Variants in SLC7A14 observed in about 807,000 individuals in gnomAD.
SLC7A14 encodes solute carrier family 7 member 14.
SLC7A14 carries 37 observed loss-of-function variants against 60.2 expected under a neutral mutation model. The ratio of observed to expected loss-of-function variants is 0.61; its 90% CI spans 0.47 to 0.81. SLC7A14 has a LOEUF of 0.81. Among genes scored for constraint, SLC7A14 ranks in the 30% least tolerant of loss-of-function variants. The pLI, the probability that SLC7A14 is intolerant of heterozygous loss-of-function variation, is 0.00. For synonymous variants in SLC7A14, 399 were observed against 395.8 expected (o/e 1.01, Z -0.10); for missense variants, 886 against 982.7 (o/e 0.90, Z 1.32).
At chr3:170,493,130 C>T (rs925966690) in intron 4 of SLC7A14, among the ~76,000 whole-genome samples, 3 of 152,158 alleles carry the variant, frequency 2.0e-5, no homozygotes, top group African/African-American at 7.2e-5. Flanking sequence ...GAACAAATAA[C>T]ATGAAGGGAA....
At chr3:170,584,793 A>G (rs1553876360) in intron 1 of SLC7A14, among the ~76,000 whole-genome samples, 1 of 151,972 alleles carries the variant, frequency 6.6e-6, no homozygotes, top group Non-Finnish European at 1.5e-5. Context: ...CCCTATACCT[A>G]GGGGGAGGCA....
At chr3:170,522,106 A>C (rs959140581) in intron 2 of SLC7A14, among the ~76,000 whole-genome samples, 2 of 152,208 alleles carry the variant, frequency 1.3e-5, no homozygotes, top group Non-Finnish European at 2.9e-5. Flanking sequence ...CAAACAAACA[A>C]ACAAAAAACA....
chr3:170,527,045 A>C lies in SLC7A14; in HGVS notation c.-109T>G. ...TGAACAGGGATCTCCCTTTTAGGAA[A>C]GGCCCAGAGGGACCCAGTGCAGCCT... On this transcript the variant is annotated 5_prime_UTR_variant, in exon 2 of 8. Transcript: ENST00000231706. 8.3e-7 allele frequency: 1 copy of C among 1,210,988 alleles called. No individual in the cohort carries two copies. The highest frequency in any genetic ancestry group is 1.1e-6 in the Non-Finnish European group (1 of 887,198). The allele number at this position is 1,210,988 out of a possible 1,614,324, so 75.0% of individuals were successfully genotyped here. A position where few individuals can be genotyped will look rare whatever the true frequency, so the allele number is the denominator to read the frequency against.
intron 1 of SLC7A14, among the ~76,000 whole-genome samples, chr3:170,580,445 C>T (rs978568661): frequency 2.6e-5 from 4 of 152,156 alleles, no homozygotes; most frequent in African/African-American, 4.8e-5. Context: ...TAAATCATGA[C>T]GCCCAACAAC....
chr3:170,529,058 A>G (rs1302910188), intron 1 of SLC7A14, among the ~76,000 whole-genome samples: 2 of 152,194 alleles, frequency 1.3e-5, no homozygotes, highest in Non-Finnish European at 2.9e-5. Flanking sequence ...GAGAGGGTTT[A>G]TTTTTGTTTT....
At chr3:170,542,482 A>G (rs1714050205) in intron 1 of SLC7A14, among the ~76,000 whole-genome samples, 1 of 152,126 alleles carries the variant, frequency 6.6e-6, no homozygotes, top group South Asian at 2.1e-4. Context: ...GGCCTTCCCC[A>G]TTCTGCCTCT....
At chr3:170,481,991 A>G (rs1711845366) in intron 6 of SLC7A14, among the ~76,000 whole-genome samples, 1 of 152,210 alleles carries the variant, frequency 6.6e-6, no homozygotes, top group Non-Finnish European at 1.5e-5. Context: ...AAACTGCTTT[A>G]AAAGACCTCC....
At chr3:170,518,643 T>C (rs1289233923) in intron 2 of SLC7A14, among the ~76,000 whole-genome samples, 3 of 152,226 alleles carry the variant, frequency 2.0e-5, no homozygotes, top group Admixed American at 6.5e-5. Flanking sequence ...AAATCCCTCC[T>C]TTGAGAACCT....
chr3:170,573,742 A>G (rs192933310), intron 1 of SLC7A14, among the ~76,000 whole-genome samples: 89 of 152,320 alleles, frequency 5.8e-4, no homozygotes, highest in Middle Eastern at 3.4e-3. Context: ...GGTAACCTGA[A>G]AAGTGTTCTT....
In SLC7A14 at chr3:170,480,546, A is replaced by G. The variant is rs1158900376; in HGVS notation, c.1736T>C (p.Phe579Ser). The G allele has an allele frequency of 6.2e-7, 1 of 1,614,232 alleles. No homozygotes were observed. The highest frequency in any genetic ancestry group is 1.1e-5 in the South Asian group (1 of 91,076). ...VLLLFILMFI[F>S]CSFIIFGSDY... ...AGAACCAAAGATGATGAAGGAGCAGAAGATGAACATGAGGATGAAGAGCAG... is the reference window on the plus strand; with the variant it reads ...AGAACCAAAGATGATGAAGGAGCAGGAGATGAACATGAGGATGAAGAGCAG... Residue 579 changes from phenylalanine (F) to serine (S), a missense_variant, in exon 7 of 8, where the codon TTC becomes TCC. By Grantham distance (155) the Phe-to-Ser change is radical. Transcript: ENST00000231706.
In SLC7A14 at chr3:170,496,494, G is replaced by C. The variant is rs1007208929; in HGVS notation, c.759+2173C>G. 12 of 1,443,940 alleles carry C rather than the reference G, an allele frequency of 8.3e-6. No homozygotes were observed. In the African/African-American group the frequency reaches 1.5e-4, roughly 19 times the overall value. The allele number at this position is 1,443,940 out of a possible 1,614,324, so 89.4% of individuals were successfully genotyped here. On this transcript the variant is annotated intron_variant, in intron 4 of 7. Coordinates refer to ENST00000231706, the MANE Select transcript of SLC7A14 (RefSeq NM_020949.3). ...TAAGGATGCCAGCGCCAAGCGGTCG[G>C]AGCTGGAGGCCGCCCTGCAGCGGGC...
intron 2 of SLC7A14, among the ~76,000 whole-genome samples, chr3:170,519,866 C>G (rs1650948425): frequency 6.6e-6 from 1 of 152,176 alleles, no homozygotes; most frequent in Non-Finnish European, 1.5e-5. Context: ...TTCTGGAACT[C>G]AGACATACTG....
Position 170,483,378 on chromosome 3 carries a change from G to A in SLC7A14, c.1051C>T (p.Leu351=), listed in dbSNP as rs748719523. 6.2e-7 allele frequency: 1 copy of A among 1,614,182 alleles called. No homozygotes were observed. Among genetic ancestry groups the A allele is most frequent in the African/African-American group, 1.3e-5 (1 of 75,018 alleles). Residue 351 remains leucine, a synonymous_variant, in exon 6 of 8, where the codon CTG becomes TTG. Coordinates refer to ENST00000231706, the MANE Select transcript of SLC7A14 (RefSeq NM_020949.3). ...GSVAGLTVSL[L]GSLFPMPRVI... Reference sequence around the variant, plus strand: ...CTCGGCATCGGGAAGAGGGACCCCAGCAAGCTGACTGTCAGTCCTGCAACC... The same window carrying A: ...CTCGGCATCGGGAAGAGGGACCCCAACAAGCTGACTGTCAGTCCTGCAACC...
chr3:170,492,491 T>G (rs145527900), intron 4 of SLC7A14, among the ~76,000 whole-genome samples: 1 of 152,032 alleles, frequency 6.6e-6, no homozygotes, highest in Non-Finnish European at 1.5e-5. Flanking sequence ...GGCGACAGAG[T>G]GAGACTCTGC....
At chr3:170,496,016 C>T (rs1712381752) in intron 4 of SLC7A14, 19 of 1,162,634 alleles carry the variant, frequency 1.6e-5, no homozygotes, top group Non-Finnish European at 1.8e-5. Flanking sequence ...AATTTGTCCT[C>T]ATCAAGAAGG....
chr3:170,501,080 T>G (rs773521518), intron 3 of SLC7A14, 29 bp downstream of exon 3: 1 of 1,606,348 alleles, frequency 6.2e-7, no homozygotes, highest in South Asian at 1.1e-5. Flanking sequence ...AGTTTGCATG[T>G]TGAGGGTAGG....
intron 1 of SLC7A14, among the ~76,000 whole-genome samples, chr3:170,546,716 G>A (rs1255579816): frequency 6.6e-6 from 1 of 152,138 alleles, no homozygotes; most frequent in Non-Finnish European, 1.5e-5. Flanking sequence ...GCAACTGAGG[G>A]GAGGCCCTTC....
In SLC7A14 at chr3:170,463,026, C is replaced by G. The variant is rs879735752; in HGVS notation, c.*4029G>C. ...CTTGCATAGGTAAGGAAGCCACCGT[C>G]TCAGCTTTCTTAAAGTTCAGCCTTC... is the stretch of plus-strand genomic sequence containing the variant. On this transcript the variant is annotated 3_prime_UTR_variant, in exon 8 of 8. Coordinates refer to ENST00000231706, the MANE Select transcript of SLC7A14 (RefSeq NM_020949.3). 3 of 152,166 alleles carry G rather than the reference C, an allele frequency of 2.0e-5. No individual in the cohort carries two copies. Among genetic ancestry groups the G allele is most frequent in the Admixed American group, 6.5e-5 (1 of 15,282 alleles). The allele number at this position is 152,166 out of a possible 1,614,324, so 9.4% of individuals were successfully genotyped here. A position where few individuals can be genotyped will look rare whatever the true frequency, so the allele number is the denominator to read the frequency against.
In SLC7A14 at chr3:170,496,531, T is replaced by G. The variant is rs1208683262; in HGVS notation, c.759+2136A>C. The G allele has an allele frequency of 1.5e-4, 238 of 1,575,246 alleles. 2 individuals are homozygous for G. Among genetic ancestry groups the G allele is most frequent in the Non-Finnish European group, 5.2e-6 (6 of 1,146,104 alleles). Reference sequence around the variant, plus strand: ...GCCCTGCAGCGGGCCAAGCAGGACATGGCGCAGCAGCTGCGTGAGTACCAG... The same window carrying G: ...GCCCTGCAGCGGGCCAAGCAGGACAGGGCGCAGCAGCTGCGTGAGTACCAG... On this transcript the variant is annotated intron_variant, in intron 4 of 7. Transcript: ENST00000231706.
Sources: allele counts gnomAD v4.1 joint callset (sites outside exome capture counted in the v4.1 genomes callset), GRCh38; gene constraint gnomAD v4.1.1; transcripts MANE v1.5; gene names NCBI Gene and HGNC (gene_info 2026-07-23, HGNC 2026-07-21).